COA1: variants seen among roughly 807,000 people sequenced by gnomAD.
COA1 encodes the protein cytochrome c oxidase assembly factor 1 homolog.
COA1 carries 13 observed loss-of-function variants against 16.0 expected under a neutral mutation model. The observed-to-expected ratio is 0.81, with a 90% CI of 0.53 to 1.29. COA1 has a LOEUF of 1.29. Ranked by LOEUF, COA1 falls within the 50% of genes most tolerant of loss-of-function variation. COA1 has a pLI of 0.00. For missense variants in COA1, 179 were observed against 177.0 expected (o/e 1.01, Z -0.06); for synonymous variants, 65 against 65.7 (o/e 0.99, Z 0.05).
chr7:43,723,734 C>G lies in COA1; in HGVS notation c.-39+5695G>C, dbSNP rs540857313. 7.2e-5 allele frequency among the ~76,000 whole-genome samples: 11 copies of G among 152,178 alleles called. No individual in the cohort carries two copies. The South Asian group carries it at 2.1e-3, about 29-fold the overall frequency. ...TTGAGCTCAGGAGTTTGAGCCCAGC[C>G]TGGGCAACATGGCAAAATCCCATCT... On this transcript the variant is annotated intron_variant, in intron 1 of 5. Transcript: ENST00000223336.
intron 4 of COA1, among the ~76,000 whole-genome samples, chr7:43,644,100 C>T (rs1322934267): frequency 6.6e-6 from 1 of 152,122 alleles, no homozygotes; most frequent in Non-Finnish European, 1.5e-5. Context: ...ACAGGCGACA[C>T]AGTGATGAAC....
At chr7:43,623,984 C>A in intron 6 of COA1, 1 of 855,290 alleles carries the variant, frequency 1.2e-6, no homozygotes, top group Non-Finnish European at 1.6e-6. Context: ...TCTCCTCCAA[C>A]CAAAAATAGT....
At chr7:43,682,303 T>C (rs2093805027) in intron 1 of COA1, among the ~76,000 whole-genome samples, 1 of 152,230 alleles carries the variant, frequency 6.6e-6, no homozygotes, top group Admixed American at 6.5e-5. Context: ...GAGAAATTAT[T>C]GATCACTACT....
chr7:43,644,949 C>T (rs979466241), intron 4 of COA1, among the ~76,000 whole-genome samples: 3 of 151,970 alleles, frequency 2.0e-5, no homozygotes, highest in Non-Finnish European at 4.4e-5. Context: ...AGCAAACCAC[C>T]ACTGGTCATT....
At chr7:43,658,233 C>A (rs1234319434) in intron 1 of COA1, among the ~76,000 whole-genome samples, 1 of 151,590 alleles carries the variant, frequency 6.6e-6, no homozygotes, top group East Asian at 1.9e-4. Context: ...AAAATTAGCC[C>A]AGCATGGTGG....
chr7:43,728,506 G>A (rs1428601731), intron 1 of COA1, among the ~76,000 whole-genome samples: 1 of 152,134 alleles, frequency 6.6e-6, no homozygotes, highest in Non-Finnish European at 1.5e-5. Flanking sequence ...AATTACCGTA[G>A]ACTGGCATGG....
downstream of COA1, among the ~76,000 whole-genome samples, chr7:43,636,716 T>C (rs148827489): frequency 0.01 from 1,567 of 152,294 alleles, 23 homozygotes; most frequent in African/African-American, 0.034. Context: ...TGTCCTTGGG[T>C]TGGTGAATAG....
chr7:43,651,402 T>C (rs1052451128), intron 1 of COA1, among the ~76,000 whole-genome samples: 4 of 152,154 alleles, frequency 2.6e-5, no homozygotes, highest in African/African-American at 7.2e-5. Context: ...AGGGGTGACT[T>C]TGGCCTCCAA....
At chr7:43,726,847 G>C (rs1396855021) in intron 1 of COA1, among the ~76,000 whole-genome samples, 1 of 152,136 alleles carries the variant, frequency 6.6e-6, no homozygotes, top group Non-Finnish European at 1.5e-5. Flanking sequence ...TTACAAAAAA[G>C]AACCTAATTT....
chr7:43,679,125 G>A (rs1204495678), intron 1 of COA1, among the ~76,000 whole-genome samples: 2 of 152,042 alleles, frequency 1.3e-5, no homozygotes, highest in Non-Finnish European at 2.9e-5. Context: ...AAATTAGCTG[G>A]GCATGGTGGC....
At chr7:43,650,129 G>C (rs1408648644) in intron 1 of COA1, 1 of 152,298 alleles carries the variant, frequency 6.6e-6, no homozygotes, top group Non-Finnish European at 1.5e-5. Context: ...TTACTGCTAA[G>C]AAAGACCCTC....
At chr7:43,640,891 C>T in intron 4 of COA1, 1 of 439,022 alleles carries the variant, frequency 2.3e-6, no homozygotes, top group Non-Finnish European at 4.0e-6. Flanking sequence ...ACTCCTATGT[C>T]AATGCTCTGG....
chr7:43,663,939 C>T (rs1418713126), intron 1 of COA1, among the ~76,000 whole-genome samples: 1 of 152,014 alleles, frequency 6.6e-6, no homozygotes, highest in Non-Finnish European at 1.5e-5. Flanking sequence ...GGTGAAACCC[C>T]ATCTCTACTA....
intron 1 of COA1, among the ~76,000 whole-genome samples, chr7:43,684,060 G>C (rs542676732): frequency 6.6e-6 from 1 of 152,082 alleles, no homozygotes; most frequent in Non-Finnish European, 1.5e-5. Context: ...ATCTAAACTG[G>C]AGCTGTCAAC....
rs2132259487 is a variant in COA1, at chr7:43,724,317, C to G, written c.-39+5112G>C. ...CCTGTTATCCCAGCACTTTGGGACA[C>G]TGAGGTGGGCGGATCCCTTGAGGTC... On this transcript the variant is annotated intron_variant, in intron 1 of 5. Coordinates refer to ENST00000223336, the MANE Select transcript of COA1 (RefSeq NM_018224.4). Among the ~76,000 whole-genome samples, 3 of 152,218 alleles carry G rather than the reference C, an allele frequency of 2.0e-5. No individual in the cohort carries two copies. In the South Asian group the frequency reaches 6.2e-4, roughly 32 times the overall value.
At chr7:43,644,785 G>GAGAGAGAGAGA (rs1563229504) in intron 4 of COA1, among the ~76,000 whole-genome samples, 1 of 107,306 alleles carries the variant, frequency 9.3e-6, no homozygotes, top group African/African-American at 4.2e-5. Context: ...CAGGCAGGCA[G>GAGAGAGAGAGA]GCAGGCAGAG....
At chr7:43,699,555 AAC>A (rs991698367) in intron 1 of COA1, among the ~76,000 whole-genome samples, 7 of 152,182 alleles carry the variant, frequency 4.6e-5, no homozygotes, top group African/African-American at 1.4e-4. Flanking sequence ...TTGACTCTCT[AAC>A]ACAGACAGCA....
chr7:43,626,386 G>A (rs1018211583), intron 6 of COA1: 2 of 152,208 alleles, frequency 1.3e-5, no homozygotes, highest in Non-Finnish European at 2.9e-5. Flanking sequence ...AAGCACCTGG[G>A]AGTGCCCTTT....
chr7:43,658,076 T>TAA (rs71563917), intron 1 of COA1, among the ~76,000 whole-genome samples: 1 of 151,876 alleles, frequency 6.6e-6, no homozygotes, highest in Non-Finnish European at 1.5e-5. Flanking sequence ...TTATTTTTTT[T>TAA]AAAAAAGTTA....
Sources: allele counts gnomAD v4.1 joint callset (sites outside exome capture counted in the v4.1 genomes callset), GRCh38; gene constraint gnomAD v4.1.1; transcripts MANE v1.5; gene names NCBI Gene and HGNC (gene_info 2026-07-23, HGNC 2026-07-21).